RAD51: variants seen among roughly 807,000 people sequenced by gnomAD.
RAD51 encodes DNA repair protein RAD51 homolog 1.
Under a neutral mutation model 41.5 loss-of-function variants are expected in RAD51, and 14 were observed. The observed-to-expected ratio is 0.34, with a 90% CI of 0.22 to 0.53. The LOEUF (loss-of-function observed/expected upper bound fraction) is 0.53, where lower values mean the gene tolerates loss of function less well. Among genes scored for constraint, RAD51 ranks in the 20% least tolerant of loss-of-function variants. The pLI, the probability that RAD51 is intolerant of heterozygous loss-of-function variation, is 0.95. For missense variants in RAD51, 234 were observed against 422.0 expected (o/e 0.55, Z 3.90); for synonymous variants, 136 against 148.6 (o/e 0.92, Z 0.62).
At chr15:40,730,552 C>CGCT (rs2141885640) in intron 9 of RAD51, among the ~76,000 whole-genome samples, 1 of 38,154 alleles carries the variant, frequency 2.6e-5, no homozygotes, top group East Asian at 2.7e-3. Context: ...GATGGAGTCT[C>CGCT]GCTGTGTCAC....
chr15:40,721,380 A>T (rs1276344864), intron 6 of RAD51, among the ~76,000 whole-genome samples: 1 of 152,200 alleles, frequency 6.6e-6, no homozygotes. Flanking sequence ...TTTGGTTTAA[A>T]TTCTTATTAT....
chr15:40,712,547 T>C (rs1180881145), intron 5 of RAD51, among the ~76,000 whole-genome samples: 1 of 152,216 alleles, frequency 6.6e-6, no homozygotes, highest in Non-Finnish European at 1.5e-5. Flanking sequence ...CGTTTTTCCT[T>C]GTCTAAGTGA....
intron 9 of RAD51, among the ~76,000 whole-genome samples, chr15:40,730,657 G>T (rs1200788281): frequency 6.6e-6 from 1 of 150,644 alleles, no homozygotes; most frequent in Non-Finnish European, 1.5e-5. Context: ...GAATAGCTGG[G>T]ACTACAGGCA....
At position 40,709,128 on chromosome 15, in the gene RAD51, G is replaced by A. The variant is rs1895533552; in HGVS notation, c.435+12G>A. ...CTGTCACCTGCCAGGTGAGCTGTTG[G>A]GGCTATAGCTAATCAAATAAGCAAG... On this transcript the variant is annotated intron_variant, in intron 5 of 9. Transcript: ENST00000267868. The A allele has an allele frequency of 6.3e-7, 1 of 1,597,836 alleles. No individual in the cohort carries two copies. Among genetic ancestry groups the A allele is most frequent in the Non-Finnish European group, 8.6e-7 (1 of 1,165,336 alleles).
At chr15:40,706,350 A>T in intron 4 of RAD51, 56 bp downstream of exon 4, 1 of 1,357,040 alleles carries the variant, frequency 7.4e-7, no homozygotes, top group Non-Finnish European at 1.1e-6. Context: ...CTTCCAGGTT[A>T]TAAAACAAAA....
intron 1 of RAD51, 62 bp from the exon 2 acceptor site, chr15:40,698,695 T>C (rs1166383698): frequency 8.3e-6 from 12 of 1,454,064 alleles, no homozygotes; most frequent in Non-Finnish European, 1.2e-5. Context: ...AGATAGAAGA[T>C]GGGGAGAGAG....
chr15:40,704,714 G>C (rs542154824), intron 3 of RAD51, among the ~76,000 whole-genome samples: 50 of 146,052 alleles, frequency 3.4e-4, no homozygotes, highest in African/African-American at 1.2e-3. Flanking sequence ...GTGTCTCTCA[G>C]GCTGGAGTGC....
At chr15:40,695,722 C>G (rs1894579672) in intron 1 of RAD51, 2 of 152,216 alleles carry the variant, frequency 1.3e-5, no homozygotes, top group South Asian at 4.1e-4. Flanking sequence ...TGTTTAATAT[C>G]ACAGCCAGGG....
chr15:40,711,575 G>A (rs1272342532), intron 5 of RAD51, among the ~76,000 whole-genome samples: 1 of 152,176 alleles, frequency 6.6e-6, no homozygotes, highest in East Asian at 1.9e-4. Flanking sequence ...GAGTGATCAT[G>A]GAATACTTTA....
intron 6 of RAD51, among the ~76,000 whole-genome samples, chr15:40,720,878 A>G (rs969092845): frequency 6.6e-6 from 1 of 152,258 alleles, no homozygotes; most frequent in African/African-American, 2.4e-5. Flanking sequence ...GGAAAACTCA[A>G]GATTACTAAA....
In RAD51 at chr15:40,695,422, C is replaced by T. The variant is rs1429458280; in HGVS notation, c.-6C>T. On this transcript the variant is annotated 5_prime_UTR_variant, in exon 1 of 10. Coordinates refer to ENST00000267868, the MANE Select transcript of RAD51 (RefSeq NM_002875.5). The stretch of plus-strand genomic sequence containing the variant: ...TGCTGGAGAGAGGAGCGCTGCGGAC[C>T]GAGGTGAGTGTGTGAGGCGCAGGCT... The T allele has an allele frequency of 2.6e-5, 4 of 152,598 alleles. No individual in the cohort carries two copies. Among genetic ancestry groups the T allele is most frequent in the Admixed American group, 2.6e-4 (4 of 15,290 alleles). The allele number at this position is 152,598 out of a possible 1,614,324, so 9.5% of individuals were successfully genotyped here. A position where few individuals can be genotyped will look rare whatever the true frequency, so the allele number is the denominator to read the frequency against.
At position 40,731,757 on chromosome 15, in the gene RAD51, A is replaced by G; in HGVS notation, c.*579A>G. On this transcript the variant is annotated 3_prime_UTR_variant, in exon 10 of 10. Transcript: ENST00000267868. The stretch of plus-strand genomic sequence containing the variant: ...TCTACCTGCTTGGTCTTTCATTGCT[A>G]AGACTAACTCAAGATAATCCTAGAG... The G allele has an allele frequency of 4.5e-6, 1 of 219,998 alleles. No homozygotes were observed. The highest frequency in any genetic ancestry group is 9.1e-6 in the Non-Finnish European group (1 of 109,592). The allele number at this position is 219,998 out of a possible 1,614,324, so 13.6% of individuals were successfully genotyped here. A position where few individuals can be genotyped will look rare whatever the true frequency, so the allele number is the denominator to read the frequency against.
chr15:40,722,418 A>G lies in RAD51; in HGVS notation c.530+3519A>G, dbSNP rs11070289. The stretch of plus-strand genomic sequence containing the variant: ...ACAAGAGCGAAACTCTGGCTCGGGG[A>G]AAAAAAAAAAAAAAAGGACAAAAAC... On this transcript the variant is annotated intron_variant, in intron 6 of 9. Transcript: ENST00000267868. Among the ~76,000 whole-genome samples, 320 of 124,572 alleles carry G rather than the reference A, an allele frequency of 2.6e-3. 2 individuals carry two copies. The highest frequency in any genetic ancestry group is 5.0e-3 in the South Asian group (22 of 4,372). The allele number at this position is 124,572 out of a possible 152,430, so 81.7% of individuals were successfully genotyped here.
intron 3 of RAD51, chr15:40,701,912 T>TA (rs1895028014): frequency 2.7e-6 from 1 of 371,134 alleles, no homozygotes. Context: ...GCCTCCCGAG[T>TA]AGTTGGGACT....
chr15:40,717,918 G>C (rs1596006495), intron 5 of RAD51, among the ~76,000 whole-genome samples: 1 of 152,264 alleles, frequency 6.6e-6, no homozygotes, highest in East Asian at 1.9e-4. Flanking sequence ...GATCAGTCTT[G>C]TGTTGGTATG....
chr15:40,710,551 A>G (rs1034074817), intron 5 of RAD51, among the ~76,000 whole-genome samples: 6 of 151,538 alleles, frequency 4.0e-5, no homozygotes, highest in African/African-American at 1.5e-4. Context: ...AAAATTCAAG[A>G]TGACAAAACT....
intron 1 of RAD51, among the ~76,000 whole-genome samples, chr15:40,697,574 C>CTCTTTT (rs1223345504): frequency 9.0e-4 from 95 of 105,516 alleles, no homozygotes; most frequent in African/African-American, 3.4e-3. Context: ...GATGATATTT[C>CTCTTTT]TTTTTTTTTT....
chr15:40,717,259 A>T (rs1896036193), intron 5 of RAD51, among the ~76,000 whole-genome samples: 1 of 151,836 alleles, frequency 6.6e-6, no homozygotes, highest in Non-Finnish European at 1.5e-5. Context: ...AATCCCTTGA[A>T]CCCGGGAGGC....
chr15:40,718,590 G>C (rs1896106792), intron 5 of RAD51, among the ~76,000 whole-genome samples: 1 of 152,018 alleles, frequency 6.6e-6, no homozygotes. Context: ...AGTTCTGACA[G>C]GACTAGCTGT....
Sources: gnomAD v4.1 joint callset for allele counts (sites outside exome capture counted in the v4.1 genomes callset) on GRCh38, gnomAD v4.1.1 for gene constraint, MANE v1.5 for transcripts, NCBI Gene and HGNC (gene_info 2026-07-23, HGNC 2026-07-21) for gene names.